The following TRPC4AP variants were observed in gnomAD, a reference collection of about 807,000 sequenced individuals.
The protein encoded by TRPC4AP is transient receptor potential cation channel subfamily C member 4 associated protein.
A neutral mutation model predicts 99.0 loss-of-function variants in TRPC4AP; 45 were observed. The observed-to-expected ratio is 0.45, with a 90% CI of 0.36 to 0.58. The LOEUF (loss-of-function observed/expected upper bound fraction) is 0.58, where lower values mean the gene tolerates loss of function less well. Ranked by LOEUF, TRPC4AP falls within the 20% of genes least tolerant of loss-of-function variation. TRPC4AP has a pLI of 0.00. For missense variants in TRPC4AP, 879 were observed against 985.3 expected (o/e 0.89, Z 1.44); for synonymous variants, 408 against 385.8 (o/e 1.06, Z -0.67).
At chr20:35,016,489 T>G (rs916126745) in intron 9 of TRPC4AP, among the ~76,000 whole-genome samples, 1 of 152,238 alleles carries the variant, frequency 6.6e-6, no homozygotes, top group South Asian at 2.1e-4. Flanking sequence ...GTGCAAACTT[T>G]GTAACCTTAA....
intron 2 of TRPC4AP, among the ~76,000 whole-genome samples, chr20:35,076,009 G>T (rs1404077481): frequency 6.6e-6 from 1 of 151,838 alleles, no homozygotes. Flanking sequence ...TCATTCATTT[G>T]ATCTTCAATC....
chr20:35,086,461 G>A lies in TRPC4AP; in HGVS notation c.168+6153C>T, dbSNP rs192267737. On this transcript the variant is annotated intron_variant, in intron 1 of 18. Transcript: ENST00000252015. ...TGTGTGTGTGTGTGTGTGTGTGTGTGTGTGTGTGTGTGTGTATGTGTGTGT... is the reference window on the plus strand; with the variant it reads ...TGTGTGTGTGTGTGTGTGTGTGTGTATGTGTGTGTGTGTGTATGTGTGTGT... Among the ~76,000 whole-genome samples the A allele has an allele frequency of 1.4e-3, 80 of 57,310 alleles. 1 individual carries two copies. Among genetic ancestry groups the A allele is most frequent in the African/African-American group, 5.0e-3 (74 of 14,780 alleles). The allele number at this position is 57,310 out of a possible 152,430, so 37.6% of individuals were successfully genotyped here.
intron 8 of TRPC4AP, among the ~76,000 whole-genome samples, chr20:35,021,955 T>C (rs1008640618): frequency 6.6e-6 from 1 of 152,232 alleles, no homozygotes. Flanking sequence ...ATGTCATTAC[T>C]GCTAACATCA....
At chr20:35,074,631 G>C (rs1191536182) in intron 2 of TRPC4AP, among the ~76,000 whole-genome samples, 1 of 152,218 alleles carries the variant, frequency 6.6e-6, no homozygotes, top group Non-Finnish European at 1.5e-5. Flanking sequence ...TGTTGTCTGA[G>C]AGACAGTTTG....
chr20:35,004,534 T>C lies in TRPC4AP; in HGVS notation c.1973A>G (p.Tyr658Cys), dbSNP rs1448569697. ...CATCTGCGTGGGCACCTGGGATATGTAGGCGAGCAGGCGGCATTCAGACAG... is the reference window on the plus strand; with the variant it reads ...CATCTGCGTGGGCACCTGGGATATGCAGGCGAGCAGGCGGCATTCAGACAG... ...EVLSECRLLA[Y>C]ISQVPTQMSF... is the part of the protein sequence containing the mutation. The change falls in exon 17 of 19, where the codon TAC (tyrosine) becomes TGC (cysteine). Residue 658 changes from tyrosine (Y) to cysteine (C), a missense_variant. Physicochemically the swap from Tyr to Cys is radical, Grantham distance 194. Transcript: ENST00000252015. The C allele has an allele frequency of 5.0e-6, 8 of 1,614,080 alleles. No individual in the cohort carries two copies. The Admixed American group carries it at 5.0e-5, about 10-fold the overall frequency.
At chr20:35,078,343 C>T (rs2084539937) in intron 1 of TRPC4AP, among the ~76,000 whole-genome samples, 169 bp from the exon 2 acceptor site, 1 of 152,132 alleles carries the variant, frequency 6.6e-6, no homozygotes, top group East Asian at 1.9e-4. Context: ...TCCCCAACAG[C>T]CTATTACTAT....
In TRPC4AP at chr20:35,050,014, C is replaced by T. The variant is rs2083657101; in HGVS notation, c.529-20G>A. ...CTCTGTCTGTCACAAGAAGAAAAGGCAGAATAGGTTGTAAGTACAAAATAA... is the reference window on the plus strand; with the variant it reads ...CTCTGTCTGTCACAAGAAGAAAAGGTAGAATAGGTTGTAAGTACAAAATAA... On this transcript the variant is annotated intron_variant, in intron 5 of 18. Coordinates refer to ENST00000252015, the MANE Select transcript of TRPC4AP (RefSeq NM_015638.3). 1 of 1,609,786 alleles carries T rather than the reference C, an allele frequency of 6.2e-7. No individual in the cohort carries two copies. The highest frequency in any genetic ancestry group is 8.5e-7 in the Non-Finnish European group (1 of 1,178,168).
At chr20:35,029,838 A>G (rs538972428) in intron 8 of TRPC4AP, among the ~76,000 whole-genome samples, 1 of 147,702 alleles carries the variant, frequency 6.8e-6, no homozygotes, top group Non-Finnish European at 1.5e-5. Context: ...GGGTTTCACC[A>G]CGTTAGCCAG....
intron 12 of TRPC4AP, among the ~76,000 whole-genome samples, chr20:35,009,073 G>A (rs3818253): frequency 0.19 from 28,701 of 152,142 alleles, 2,788 homozygotes; most frequent in Middle Eastern, 0.34. Context: ...TGCCAGATGG[G>A]GAAAGACTCT....
chr20:35,082,253 CAATT>C (rs1317871609), intron 1 of TRPC4AP, among the ~76,000 whole-genome samples: 2 of 151,820 alleles, frequency 1.3e-5, no homozygotes, highest in African/African-American at 2.4e-5. Context: ...TATTTTAACA[CAATT>C]AAACAAAATG....
intron 7 of TRPC4AP, among the ~76,000 whole-genome samples, chr20:35,038,269 TGA>T (rs2083368577): frequency 1.0e-5 from 1 of 95,722 alleles, no homozygotes; most frequent in African/African-American, 3.7e-5. Context: ...GATTTTTGTT[TGA>T]GACACCATTT....
At chr20:35,063,138 T>C (rs1010839961) in intron 3 of TRPC4AP, among the ~76,000 whole-genome samples, 5 of 152,236 alleles carry the variant, frequency 3.3e-5, no homozygotes, top group Non-Finnish European at 1.5e-5. Context: ...GATGATTTTA[T>C]AAGTGTCTGG....
At chr20:35,059,748 AGAAGAAGAC>A (rs1325103123) in intron 3 of TRPC4AP, among the ~76,000 whole-genome samples, 6 of 150,292 alleles carry the variant, frequency 4.0e-5, no homozygotes, top group Admixed American at 2.6e-4. Flanking sequence ...ACGACGAAGA[AGAAGAAGAC>A]GAAGAAGACG....
chr20:35,059,765 A>G (rs1569131785), intron 3 of TRPC4AP, among the ~76,000 whole-genome samples: 1 of 142,716 alleles, frequency 7.0e-6, no homozygotes, highest in Non-Finnish European at 1.5e-5. Context: ...GACGAAGAAG[A>G]CGACGAAGAC....
At position 35,021,331 on chromosome 20, in the gene TRPC4AP, C is replaced by T. The variant is rs1241145372; in HGVS notation, c.1077G>A (p.Gly359=). Residue 359 remains glycine, a synonymous_variant, in exon 9 of 19, where the codon GGG becomes GGA. Coordinates refer to ENST00000252015, the MANE Select transcript of TRPC4AP (RefSeq NM_015638.3). ...NQASIVFPPP[G]ASEENGLPHT... Reference sequence around the variant, plus strand: ...GAGGCAGGCCATTCTCCTCAGAAGCCCCTGGAGGAGGGAACACAATGGAGG... The same window carrying T: ...GAGGCAGGCCATTCTCCTCAGAAGCTCCTGGAGGAGGGAACACAATGGAGG... 2 of 1,613,988 alleles carry T rather than the reference C, an allele frequency of 1.2e-6. No individual in the cohort carries two copies. The highest frequency in any genetic ancestry group is 2.7e-5 in the African/African-American group (2 of 74,926).
chr20:35,060,000 T>A (rs1256771854), intron 3 of TRPC4AP, among the ~76,000 whole-genome samples: 1 of 150,646 alleles, frequency 6.6e-6, no homozygotes, highest in African/African-American at 2.4e-5. Flanking sequence ...CTTAGTGATT[T>A]AAAAAAAAAC....
At chr20:35,011,861 T>A (rs1463865549) in intron 11 of TRPC4AP, among the ~76,000 whole-genome samples, 1 of 152,232 alleles carries the variant, frequency 6.6e-6, no homozygotes, top group East Asian at 1.9e-4. Flanking sequence ...CTCTGGCCAG[T>A]CCTGGACCCT....
rs1341691995 is a variant in TRPC4AP, at chr20:35,069,334, G to C, written c.376C>G (p.Pro126Ala). 3 of 1,611,482 alleles carry C rather than the reference G, an allele frequency of 1.9e-6. No homozygotes were observed. In the African/African-American group the frequency reaches 4.0e-5, roughly 22 times the overall value. ...AACAAGTCAAAAATGTAAGTATTTGGATAAGTGGTTTCTTGGGTAAGTTTC... is the reference window on the plus strand; with the variant it reads ...AACAAGTCAAAAATGTAAGTATTTGCATAAGTGGTTTCTTGGGTAAGTTTC... ...ERKLTQETTY[P>A]NTYIFDLFGG... Residue 126 changes from proline to alanine, a missense_variant, in exon 3 of 19, where the codon CCA becomes GCA. Transcript: ENST00000252015.
intron 3 of TRPC4AP, among the ~76,000 whole-genome samples, chr20:35,064,340 G>A (rs964372383): frequency 2.6e-5 from 4 of 152,182 alleles, no homozygotes; most frequent in South Asian, 4.1e-4. Flanking sequence ...AAATTAAAAA[G>A]CCAGCAGGCA....
Sources: allele counts gnomAD v4.1 joint callset (sites outside exome capture counted in the v4.1 genomes callset), GRCh38; gene constraint gnomAD v4.1.1; transcripts MANE v1.5; gene names NCBI Gene and HGNC (gene_info 2026-07-23, HGNC 2026-07-21).